PSMB2: variants seen among roughly 807,000 people sequenced by gnomAD.
PSMB2 encodes proteasome 20S subunit beta 2.
A neutral mutation model predicts 25.7 loss-of-function variants in PSMB2; 13 were observed. The ratio of observed to expected loss-of-function variants is 0.51; its 90% CI spans 0.33 to 0.80. PSMB2 has a LOEUF of 0.80. PSMB2 is among the 30% of genes least tolerant of loss of function. The probability of loss-of-function intolerance (pLI) is 0.02; values close to 1 mark genes in which losing one functional copy is unlikely to be tolerated. For missense variants in PSMB2, 202 were observed against 259.0 expected, an observed-to-expected ratio of 0.78 and a Z score of 1.51; for synonymous variants, 87 against 96.2, an observed-to-expected ratio of 0.90 and a Z score of 0.56.
At chr1:35,605,035 T>C (rs1650120655) in intron 5 of PSMB2, among the ~76,000 whole-genome samples, 198 bp downstream of exon 5, 1 of 152,162 alleles carries the variant, frequency 6.6e-6, no homozygotes, top group Non-Finnish European at 1.5e-5. Flanking sequence ...AAACTGACAT[T>C]GAGGAGGTAA....
At position 35,605,261 on chromosome 1, in the gene PSMB2, A is replaced by G. The variant is rs758189536; in HGVS notation, c.470T>C (p.Val157Ala). 9.3e-6 allele frequency: 15 copies of G among 1,613,376 alleles called. 1 individual carries two copies. In the South Asian group the frequency reaches 1.6e-4, roughly 18 times the overall value. Residue 157 changes from valine (V) to alanine (A), a missense_variant, in exon 5 of 6, where the codon GTG (valine) becomes GCG (alanine). Physicochemically the swap from Val to Ala is moderately conservative, Grantham distance 64. Transcript: ENST00000373237. ...YTPTISRERA[V>A]ELLRKCLEEL... ...CTCCAGACATTTCCTAAGGAGTTCC[A>G]CTGCCCTCTCACGTGAGATAGCTGA...
intron 1 of PSMB2, among the ~76,000 whole-genome samples, chr1:35,639,994 C>T (rs1240440429): frequency 6.6e-6 from 1 of 152,062 alleles, no homozygotes; most frequent in Non-Finnish European, 1.5e-5. Flanking sequence ...TGCTTAAGGT[C>T]ACAAGTGGCA....
At chr1:35,611,176 ATTTG>A (rs1180388843) in intron 3 of PSMB2, among the ~76,000 whole-genome samples, 2 of 152,176 alleles carry the variant, frequency 1.3e-5, no homozygotes, top group African/African-American at 4.8e-5. Context: ...CCATCCCTAA[ATTTG>A]TCTATGTATT....
At chr1:35,630,907 T>C (rs1158315773) in intron 3 of PSMB2, among the ~76,000 whole-genome samples, 1 of 152,162 alleles carries the variant, frequency 6.6e-6, no homozygotes, top group Non-Finnish European at 1.5e-5. Context: ...ATGCTGATAA[T>C]GGGGAATGCT....
chr1:35,620,725 C>CAA (rs371156135), intron 3 of PSMB2, among the ~76,000 whole-genome samples: 62 of 140,176 alleles, frequency 4.4e-4, no homozygotes, highest in Admixed American at 3.9e-3. Flanking sequence ...AAGACTGTCT[C>CAA]AAAAAAAAAA....
At chr1:35,624,409 T>C (rs539638480) in intron 3 of PSMB2, among the ~76,000 whole-genome samples, 14 of 152,280 alleles carry the variant, frequency 9.2e-5, no homozygotes, top group Non-Finnish European at 1.9e-4. Context: ...AGAATTCCTA[T>C]CTATCAAATA....
At chr1:35,640,834 CAAGCAAG>C (rs1557461922) in intron 1 of PSMB2, among the ~76,000 whole-genome samples, 2 of 152,156 alleles carry the variant, frequency 1.3e-5, no homozygotes, top group Non-Finnish European at 2.9e-5. Flanking sequence ...CAACTCTCAC[CAAGCAAG>C]AAGCATTTAG....
intron 4 of PSMB2, among the ~76,000 whole-genome samples, chr1:35,605,610 T>G (rs1650143044): frequency 6.6e-6 from 1 of 152,198 alleles, no homozygotes; most frequent in Non-Finnish European, 1.5e-5. Context: ...AACCCACCCC[T>G]TTCACTCCCC....
At chr1:35,606,794 C>T (rs1176450864) in intron 4 of PSMB2, among the ~76,000 whole-genome samples, 1 of 152,146 alleles carries the variant, frequency 6.6e-6, no homozygotes, top group Non-Finnish European at 1.5e-5. Context: ...TACCAGACTT[C>T]AAAATATATC....
At chr1:35,638,483 C>T (rs1490981251) in intron 1 of PSMB2, among the ~76,000 whole-genome samples, 1 of 152,160 alleles carries the variant, frequency 6.6e-6, no homozygotes, top group Non-Finnish European at 1.5e-5. Flanking sequence ...GCCCCAGTTT[C>T]CAGATGTGTG....
At chr1:35,618,439 G>A (rs935997192) in intron 3 of PSMB2, among the ~76,000 whole-genome samples, 5 of 151,436 alleles carry the variant, frequency 3.3e-5, no homozygotes, top group African/African-American at 7.3e-5. Context: ...TCTCACACTC[G>A]CACATGGAAG....
chr1:35,621,734 C>T lies in PSMB2; in HGVS notation c.285+9540G>A, dbSNP rs1025483098. 7.2e-5 allele frequency among the ~76,000 whole-genome samples: 11 copies of T among 152,090 alleles called. 1 individual carries two copies. Among genetic ancestry groups the T allele is most frequent in the Admixed American group, 5.9e-4 (9 of 15,262 alleles). Reference sequence around the variant, plus strand: ...ATAAAAATGCATAAAATAGGCCAAGCGTAGTGGCTCATGCCTGTAATCCCA... The same window carrying T: ...ATAAAAATGCATAAAATAGGCCAAGTGTAGTGGCTCATGCCTGTAATCCCA... On this transcript the variant is annotated intron_variant, in intron 3 of 5. Transcript: ENST00000373237.
chr1:35,608,364 CA>C (rs112782164), intron 4 of PSMB2, among the ~76,000 whole-genome samples: 3,314 of 119,834 alleles, frequency 0.028, 86 homozygotes, highest in East Asian at 0.073. Flanking sequence ...GACTCTGCCT[CA>C]AAAAAAAAAA....
Position 35,641,353 on chromosome 1 carries a change from T to C in PSMB2, c.80A>G (p.Gln27Arg), listed in dbSNP as rs745603151. 1.9e-6 allele frequency: 3 copies of C among 1,614,010 alleles called. No individual in the cohort carries two copies. In the African/African-American group the frequency reaches 4.0e-5, roughly 22 times the overall value. ...SDRVAASNIV[Q>R]MKDDHDKMFK... is the part of the protein sequence containing the mutation. ...CTGCTTCCTCTCACCGTCCTTCATCTGGACAATATTGCTGGCGGCCACCCG... is the reference window on the plus strand; with the variant it reads ...CTGCTTCCTCTCACCGTCCTTCATCCGGACAATATTGCTGGCGGCCACCCG... Residue 27 changes from glutamine (Q) to arginine (R), a missense_variant, in exon 1 of 6, where the codon CAG becomes CGG. Gln to Arg is a conservative substitution (Grantham distance 43). Transcript: ENST00000373237.
rs1650060292 is a variant in PSMB2, at chr1:35,603,270, G to A, written c.603C>T (p.Ser201=). The A allele has an allele frequency of 1.2e-6, 2 of 1,613,992 alleles. No individual in the cohort carries two copies. Among genetic ancestry groups the A allele is most frequent in the South Asian group, 1.1e-5 (1 of 91,064 alleles). The change falls in exon 6 of 6, where the codon TCC becomes TCT. Residue 201 remains serine (S), a synonymous_variant. Transcript: ENST00000373237. ...LDNISFPKQG[S] is the part of the protein sequence containing the mutation. The stretch of plus-strand genomic sequence containing the variant: ...AAGTGGGAGGGAGGACATGATGTTA[G>A]GAGCCCTGTTTGGGGAAGGAAATGT...
intron 3 of PSMB2, among the ~76,000 whole-genome samples, chr1:35,630,391 T>G (rs141224481): frequency 6.6e-6 from 1 of 152,192 alleles, no homozygotes; most frequent in Non-Finnish European, 1.5e-5. Context: ...TGCACATGGA[T>G]GTATACATTA....
At chr1:35,621,213 AT>A (rs1650671330) in intron 3 of PSMB2, among the ~76,000 whole-genome samples, 1 of 152,110 alleles carries the variant, frequency 6.6e-6, no homozygotes, top group Non-Finnish European at 1.5e-5. Context: ...TCATCTTTGC[AT>A]TCATGACAGC....
chr1:35,635,398 T>C (rs1307963102), intron 2 of PSMB2, among the ~76,000 whole-genome samples: 1 of 151,920 alleles, frequency 6.6e-6, no homozygotes, highest in Non-Finnish European at 1.5e-5. Flanking sequence ...TGAGCCATCA[T>C]ACCAGGCCGA....
chr1:35,613,907 G>A (rs953035), intron 3 of PSMB2, among the ~76,000 whole-genome samples: 39,557 of 152,168 alleles, frequency 0.26, 10,815 homozygotes, highest in East Asian at 0.78. Context: ...GATAATAAGT[G>A]TAATGCCCGA....
Sources: allele counts gnomAD v4.1 joint callset (sites outside exome capture counted in the v4.1 genomes callset), GRCh38; gene constraint gnomAD v4.1.1; transcripts MANE v1.5; gene names NCBI Gene and HGNC (gene_info 2026-07-23, HGNC 2026-07-21).